MTCL2: variants seen among roughly 807,000 people sequenced by gnomAD.
MTCL2 encodes microtubule crosslinking factor 2, also known as microtubule cross-linking factor 2.
the MTCL2 span, among the ~76,000 whole-genome samples, chr20:36,797,320 T>G: frequency 2.0e-5 from 3 of 148,638 alleles, no homozygotes; most frequent in Non-Finnish European, 4.5e-5. Flanking sequence ...GGTGGTTGGG[T>G]TTTTTTTTTA....
chr20:36,785,619 A>G, the MTCL2 span: 1 of 985,210 alleles, frequency 1.0e-6, no homozygotes, highest in Non-Finnish European at 1.2e-6. Flanking sequence ...GTGCCAGGGA[A>G]AGAGGCCTCT....
At chr20:36,805,490 A>G in the MTCL2 span, among the ~76,000 whole-genome samples, 1 of 151,598 alleles carries the variant, frequency 6.6e-6, no homozygotes, top group Non-Finnish European at 1.5e-5. Flanking sequence ...CTTACCATGT[A>G]CCTCCCAAGC....
At chr20:36,812,779 G>A in the MTCL2 span, 4 of 1,613,736 alleles carry the variant, frequency 2.5e-6, no homozygotes, top group Non-Finnish European at 3.4e-6. Context: ...TAGAGTCCAA[G>A]TCACCAGTGC....
At chr20:36,793,797 G>A in the MTCL2 span, 4 of 1,541,394 alleles carry the variant, frequency 2.6e-6, no homozygotes, top group East Asian at 2.4e-5. The surrounding 1 kb of genome is among the most constrained non-coding windows in gnomAD (Gnocchi z 6.8). Context: ...CGCTCGATGC[G>A]CGAATGGACC....
At chr20:36,780,827 T>A in the MTCL2 span, 3 of 152,178 alleles carry the variant, frequency 2.0e-5, no homozygotes. Flanking sequence ...CATCCTTGCA[T>A]CTTAGGTTCA....
the MTCL2 span, chr20:36,794,406 C>G: frequency 6.2e-7 from 1 of 1,613,874 alleles, no homozygotes; most frequent in Non-Finnish European, 8.5e-7. This position sits in a 1 kb window ranked among gnomAD's most constrained non-coding sequence, Gnocchi z 5.4. Flanking sequence ...GCCAGGGCAC[C>G]CAGGTGGTTG....
chr20:36,842,896 CAAG>C, the MTCL2 span, among the ~76,000 whole-genome samples: 1 of 152,178 alleles, frequency 6.6e-6, no homozygotes, highest in Non-Finnish European at 1.5e-5. Flanking sequence ...GTCCAAGGGG[CAAG>C]AAGGCCTCTG....
chr20:36,793,386 C>G, the MTCL2 span: 1 of 1,551,602 alleles, frequency 6.4e-7, no homozygotes, highest in Non-Finnish European at 8.7e-7. The surrounding 1 kb of genome is among the most constrained non-coding windows in gnomAD (Gnocchi z 6.8). Flanking sequence ...GCCACACCCT[C>G]TGGCTGATGG....
the MTCL2 span, among the ~76,000 whole-genome samples, chr20:36,798,108 T>C: frequency 6.6e-6 from 1 of 152,040 alleles, no homozygotes; most frequent in Non-Finnish European, 1.5e-5. Context: ...CTTACTCTGT[T>C]GTCCAGACTG....
chr20:36,832,996 C>T, the MTCL2 span, among the ~76,000 whole-genome samples: 2 of 152,198 alleles, frequency 1.3e-5, no homozygotes, highest in Admixed American at 1.3e-4. Context: ...GGAACATCCC[C>T]CGGGTGCTCA....
At chr20:36,836,045 C>T in the MTCL2 span, among the ~76,000 whole-genome samples, 2 of 151,620 alleles carry the variant, frequency 1.3e-5, no homozygotes, top group South Asian at 2.1e-4. Context: ...TTCCCTCCCC[C>T]TCCCCATCTC....
the MTCL2 span, among the ~76,000 whole-genome samples, chr20:36,789,924 A>G: frequency 6.7e-6 from 1 of 150,356 alleles, no homozygotes; most frequent in South Asian, 2.1e-4. Context: ...AGCAATTCTC[A>G]TGCCTCAATC....
At chr20:36,808,792 C>G in the MTCL2 span, 1 of 1,500,294 alleles carries the variant, frequency 6.7e-7, no homozygotes, top group Non-Finnish European at 8.9e-7. Flanking sequence ...GTCCTCTCCC[C>G]CACCCCTTTC....
the MTCL2 span, among the ~76,000 whole-genome samples, chr20:36,801,835 G>A: frequency 7.5e-4 from 111 of 147,680 alleles, no homozygotes; most frequent in African/African-American, 2.7e-3. Flanking sequence ...GTGGTGGCAC[G>A]TGCCTGTAAT....
the MTCL2 span, chr20:36,862,689 T>C: frequency 6.7e-7 from 1 of 1,499,868 alleles, no homozygotes; most frequent in Non-Finnish European, 8.9e-7. Context: ...GCGCAGCTCC[T>C]CCAGCTCCCG....
At chr20:36,815,830 T>C in the MTCL2 span, 1 of 1,598,008 alleles carries the variant, frequency 6.3e-7, no homozygotes, top group Non-Finnish European at 8.5e-7. The surrounding 1 kb of genome is among the most constrained non-coding windows in gnomAD (Gnocchi z 5.3). Context: ...AGCAGCAGCT[T>C]GTTCTGGTCC....
the MTCL2 span, chr20:36,817,266 C>CAA: frequency 7.8e-3 from 4,017 of 514,138 alleles, 2 homozygotes; most frequent in Middle Eastern, 0.011. Context: ...GACTCCGTCT[C>CAA]AAAAAAAAAA....
chr20:36,850,141 G>A, the MTCL2 span, among the ~76,000 whole-genome samples: 2 of 152,116 alleles, frequency 1.3e-5, no homozygotes, highest in African/African-American at 4.8e-5. Context: ...TGCCAAGGCT[G>A]GCTCAGGGGC....
chr20:36,803,112 G>T, the MTCL2 span: 3 of 1,595,034 alleles, frequency 1.9e-6, no homozygotes, highest in African/African-American at 1.3e-5. Context: ...CTCCATCTGC[G>T]GAAAGAAGCA....
Sources: allele counts gnomAD v4.1 joint callset (sites outside exome capture counted in the v4.1 genomes callset), GRCh38; gene constraint gnomAD v4.1.1; non-coding constraint Gnocchi (gnomAD v3.1); transcripts MANE v1.5; gene names NCBI Gene and HGNC (gene_info 2026-07-23, HGNC 2026-07-21).